The following MACROD2 variants were observed in gnomAD, a reference collection of about 807,000 sequenced individuals.
MACROD2 encodes the protein mono-ADP ribosylhydrolase 2, also known as ADP-ribose glycohydrolase MACROD2.
Under a neutral mutation model 70.4 loss-of-function variants are expected in MACROD2, and 36 were observed. The observed-to-expected ratio is 0.51, with a 90% CI of 0.39 to 0.68. MACROD2 has a LOEUF of 0.68. MACROD2 is among the 30% of genes least tolerant of loss of function. MACROD2 has a pLI of 0.00. For missense variants in MACROD2, 496 were observed against 538.4 expected (o/e 0.92, Z 0.78); for synonymous variants, 172 against 178.8 (o/e 0.96, Z 0.30).
rs1568534729 is a variant in MACROD2, at chr20:15,021,171, CACATACA to C, written c.419-208768_419-208762del. On this transcript the variant is annotated intron_variant, in intron 5 of 17. Transcript: ENST00000684519. ...ATACACACACCTGTGTGTATGTATA[CACATACA>C]GGTGTGCGTATACACACACCTGTGT... Among the ~76,000 whole-genome samples the C allele has an allele frequency of 2.0e-3, 247 of 122,712 alleles. 75 individuals are homozygous for C. Among genetic ancestry groups the C allele is most frequent in the African/African-American group, 7.7e-3 (236 of 30,610 alleles). The allele number at this position is 122,712 out of a possible 152,430, so 80.5% of individuals were successfully genotyped here.
At chr20:14,052,054 G>A (rs550319728) in intron 2 of MACROD2, 10 of 411,028 alleles carry the variant, frequency 2.4e-5, no homozygotes, top group South Asian at 1.5e-4. Context: ...TGATTGCTAT[G>A]TTTTTATGGG....
intron 3 of MACROD2, among the ~76,000 whole-genome samples, chr20:14,293,550 C>A (rs1037911548): frequency 5.3e-5 from 8 of 151,700 alleles, no homozygotes; most frequent in Non-Finnish European, 1.0e-4. Context: ...ATGGAGAAAC[C>A]AAAACTGTTG....
rs553895953 is a variant in MACROD2 at position 15,852,150 on chromosome 20, T to C, written c.646-10595T>C. 1.1e-4 allele frequency among the ~76,000 whole-genome samples: 16 copies of C among 152,280 alleles called. No homozygotes were observed. The East Asian group carries it at 1.9e-3, about 18-fold the overall frequency. On this transcript the variant is annotated intron_variant, in intron 8 of 17. Coordinates refer to ENST00000684519, the MANE Select transcript of MACROD2 (RefSeq NM_001351661.2). ...TCAAGGACCACGACAGATGTGTCGTTTGTGAAATTTTGATCAATATGAGGC... is the reference window on the plus strand; with the variant it reads ...TCAAGGACCACGACAGATGTGTCGTCTGTGAAATTTTGATCAATATGAGGC...
At chr20:15,174,891 G>T (rs1207173927) in intron 5 of MACROD2, among the ~76,000 whole-genome samples, 1 of 152,060 alleles carries the variant, frequency 6.6e-6, no homozygotes, top group African/African-American at 2.4e-5. Flanking sequence ...GTTCATTGTA[G>T]ATTCTGGATA....
intron 3 of MACROD2, among the ~76,000 whole-genome samples, chr20:14,402,684 G>A (rs1370546462): frequency 6.6e-6 from 1 of 152,126 alleles, no homozygotes; most frequent in Non-Finnish European, 1.5e-5. Flanking sequence ...AACACTTGAT[G>A]CCCTTTTCTT....
chr20:14,028,338 TG>T (rs2053202071), intron 2 of MACROD2, among the ~76,000 whole-genome samples: 1 of 151,288 alleles, frequency 6.6e-6, no homozygotes, highest in South Asian at 2.1e-4. Flanking sequence ...TACAAGCCAG[TG>T]GATCTTAGCT....
At chr20:14,880,123 A>T (rs1481246305) in intron 5 of MACROD2, among the ~76,000 whole-genome samples, 1 of 152,102 alleles carries the variant, frequency 6.6e-6, no homozygotes, top group Non-Finnish European at 1.5e-5. Context: ...CTGACTTGAG[A>T]CGCAGAATCA....
chr20:15,598,958 G>A (rs1334285363), intron 8 of MACROD2, among the ~76,000 whole-genome samples: 1 of 152,078 alleles, frequency 6.6e-6, no homozygotes, highest in Non-Finnish European at 1.5e-5. Flanking sequence ...TGCATAATAG[G>A]ATCACATTTA....
At chr20:15,661,524 A>G (rs909439926) in intron 8 of MACROD2, among the ~76,000 whole-genome samples, 12 of 152,174 alleles carry the variant, frequency 7.9e-5, no homozygotes, top group African/African-American at 2.9e-4. Flanking sequence ...ACTACTGTAG[A>G]ACACTGTCAA....
intron 12 of MACROD2, among the ~76,000 whole-genome samples, chr20:15,960,293 C>A (rs1421616124): frequency 2.0e-5 from 3 of 152,082 alleles, no homozygotes; most frequent in Admixed American, 1.3e-4. Flanking sequence ...ACACGGTAAC[C>A]CTTTTTCCCA....
At chr20:14,230,429 C>T (rs1252923911) in intron 3 of MACROD2, among the ~76,000 whole-genome samples, 1 of 151,704 alleles carries the variant, frequency 6.6e-6, no homozygotes, top group Non-Finnish European at 1.5e-5. Flanking sequence ...TTTCTTTGCT[C>T]ATCCTTAAGA....
intron 5 of MACROD2, among the ~76,000 whole-genome samples, chr20:14,860,556 G>T (rs1218611206): frequency 6.6e-6 from 1 of 152,026 alleles, no homozygotes; most frequent in Admixed American, 6.6e-5. Context: ...GACTCCTCCG[G>T]GTCTCTGTTT....
chr20:14,389,421 C>A (rs367976214), intron 3 of MACROD2, among the ~76,000 whole-genome samples: 503 of 89,828 alleles, frequency 5.6e-3, no homozygotes, highest in South Asian at 6.7e-3. Context: ...GACTTGGTCT[C>A]AAAAAAAAAA....
intron 5 of MACROD2, among the ~76,000 whole-genome samples, chr20:15,208,350 G>A (rs2076729573): frequency 6.6e-6 from 1 of 151,958 alleles, no homozygotes; most frequent in Non-Finnish European, 1.5e-5. Context: ...CTGTTTATTG[G>A]AGCATTTTTA....
At position 14,113,192 on chromosome 20, in the gene MACROD2, A is replaced by T. The variant is rs573899486; in HGVS notation, c.271+27464A>T. Among the ~76,000 whole-genome samples the T allele has an allele frequency of 2.7e-3, 418 of 152,140 alleles. 2 individuals are homozygous for T. The highest frequency in any genetic ancestry group is 9.4e-3 in the African/African-American group (392 of 41,548). On this transcript the variant is annotated intron_variant, in intron 3 of 17. Transcript: ENST00000684519. ...GTTTACAATAAGAATAGAAATAAATATTTTATTTTTACATACTGTTAGTAC... is the reference window on the plus strand; with the variant it reads ...GTTTACAATAAGAATAGAAATAAATTTTTTATTTTTACATACTGTTAGTAC...
intron 8 of MACROD2, among the ~76,000 whole-genome samples, chr20:15,510,597 C>T (rs769790221): frequency 2.0e-5 from 3 of 152,192 alleles, no homozygotes; most frequent in East Asian, 1.9e-4. Context: ...TCTCTAATCA[C>T]GTCTAGGCAA....
At chr20:14,565,914 A>C (rs1160077320) in intron 4 of MACROD2, among the ~76,000 whole-genome samples, 1 of 151,894 alleles carries the variant, frequency 6.6e-6, no homozygotes, top group Non-Finnish European at 1.5e-5. Context: ...AGGTTGAGAC[A>C]GCATTTTCTT....
intron 5 of MACROD2, among the ~76,000 whole-genome samples, chr20:15,116,971 G>GACAGCATGTCAAGTATGA (rs1206416182): frequency 6.6e-6 from 1 of 152,296 alleles, no homozygotes; most frequent in East Asian, 1.9e-4. Context: ...CACTGTTCAT[G>GACAGCATGTCAAGTATGA]ACAGCATGTC....
chr20:14,963,689 G>A (rs907775869), intron 5 of MACROD2, among the ~76,000 whole-genome samples: 13 of 152,148 alleles, frequency 8.5e-5, no homozygotes, highest in Admixed American at 2.0e-4. Context: ...ATGAACACAC[G>A]ATCCTCTTCC....
Sources: allele counts gnomAD v4.1 joint callset (sites outside exome capture counted in the v4.1 genomes callset), GRCh38; gene constraint gnomAD v4.1.1; transcripts MANE v1.5; gene names NCBI Gene and HGNC (gene_info 2026-07-23, HGNC 2026-07-21).